NSUN3: variants seen among roughly 807,000 people sequenced by gnomAD.
The protein encoded by NSUN3 is NOP2/Sun RNA methyltransferase 3.
A neutral mutation model predicts 36.8 loss-of-function variants in NSUN3; 24 were observed. The observed-to-expected ratio is 0.65, with a 90% CI of 0.47 to 0.92. NSUN3 has a LOEUF of 0.92. NSUN3 is among the 40% of genes least tolerant of loss of function. The pLI is 0.00. For missense variants in NSUN3, 381 were observed against 392.8 expected (o/e 0.97, Z 0.25); for synonymous variants, 146 against 145.2 (o/e 1.01, Z -0.04).
chr3:94,112,925 C>T (rs1363909126), intron 5 of NSUN3, among the ~76,000 whole-genome samples: 1 of 152,000 alleles, frequency 6.6e-6, no homozygotes, highest in South Asian at 2.1e-4. Context: ...AGTGCAGTGG[C>T]ACAATCTCGG....
chr3:94,088,253 T>G (rs2077300807), intron 3 of NSUN3, among the ~76,000 whole-genome samples: 1 of 152,264 alleles, frequency 6.6e-6, no homozygotes, highest in Non-Finnish European at 1.5e-5. Flanking sequence ...TGCTAAGGAT[T>G]GTGTTAATCA....
chr3:94,098,443 A>C (rs2077352243), intron 5 of NSUN3, among the ~76,000 whole-genome samples: 1 of 152,144 alleles, frequency 6.6e-6, no homozygotes. Flanking sequence ...GAAATCCTAC[A>C]GTGGTTCCCC....
intron 4 of NSUN3, among the ~76,000 whole-genome samples, chr3:94,094,777 G>A (rs954050507): frequency 2.4e-4 from 37 of 152,104 alleles, no homozygotes; most frequent in African/African-American, 8.9e-4. Context: ...AGCATTAGTA[G>A]ACCTAGTAAA....
At chr3:94,074,910 T>A (rs1048052881) in intron 2 of NSUN3, among the ~76,000 whole-genome samples, 1 of 152,174 alleles carries the variant, frequency 6.6e-6, no homozygotes, top group Admixed American at 6.5e-5. Flanking sequence ...CTTCCAGTTT[T>A]TGCCCATTCA....
intron 5 of NSUN3, among the ~76,000 whole-genome samples, chr3:94,107,440 C>T (rs552896075): frequency 1.3e-5 from 2 of 151,698 alleles, no homozygotes; most frequent in East Asian, 2.0e-4. Context: ...GCATGTGCCA[C>T]CACACCTGGC....
chr3:94,114,523 G>A (rs1190655470), intron 5 of NSUN3, among the ~76,000 whole-genome samples: 3 of 152,186 alleles, frequency 2.0e-5, no homozygotes, highest in South Asian at 4.1e-4. Context: ...TAACATAGGA[G>A]TGAGCATCTT....
chr3:94,125,961 G>A (rs2107276548), intron 5 of NSUN3, among the ~76,000 whole-genome samples: 1 of 152,118 alleles, frequency 6.6e-6, no homozygotes, highest in Non-Finnish European at 1.5e-5. Context: ...TTGGGAGGCT[G>A]AGGCAGGAGA....
intron 5 of NSUN3, among the ~76,000 whole-genome samples, chr3:94,120,846 T>A (rs945060671): frequency 4.6e-5 from 7 of 152,192 alleles, no homozygotes; most frequent in Non-Finnish European, 7.3e-5. Context: ...TGAGGAGCCG[T>A]CATATTGTTT....
At position 94,067,406 on chromosome 3, in the gene NSUN3, C is replaced by T. The variant is rs7427419; in HGVS notation, c.122+2860C>T. Reference sequence around the variant, plus strand: ...TGATTATAACAGCTTTCAGTGAGTTCGGTTGTGTCCCAGTGAATAATCAAA... The same window carrying T: ...TGATTATAACAGCTTTCAGTGAGTTTGGTTGTGTCCCAGTGAATAATCAAA... On this transcript the variant is annotated intron_variant, in intron 2 of 5. Transcript: ENST00000314622. Among the ~76,000 whole-genome samples, 25 of 152,234 alleles carry T rather than the reference C, an allele frequency of 1.6e-4. No homozygotes were observed. In the East Asian group the frequency reaches 2.5e-3, roughly 15 times the overall value.
intron 5 of NSUN3, among the ~76,000 whole-genome samples, chr3:94,102,151 TC>T (rs2077368356): frequency 7.3e-6 from 1 of 136,724 alleles, no homozygotes; most frequent in Admixed American, 7.9e-5. Flanking sequence ...CAGATAACAA[TC>T]CTTAAAAAGT....
chr3:94,078,440 A>C (rs952773967), intron 2 of NSUN3, among the ~76,000 whole-genome samples: 6 of 152,192 alleles, frequency 3.9e-5, no homozygotes, highest in African/African-American at 1.4e-4. Flanking sequence ...AGTTCTGTAG[A>C]TGTCTATTAG....
At chr3:94,088,476 T>TA (rs2077301797) in intron 3 of NSUN3, among the ~76,000 whole-genome samples, 2 of 152,122 alleles carry the variant, frequency 1.3e-5, no homozygotes, top group Non-Finnish European at 2.9e-5. Context: ...TGGGTATTAT[T>TA]ATTCCCATTT....
rs371288229 is a variant in NSUN3 at position 94,130,291 on chromosome 3, T to A, written c.*3801T>A. ...CCTCTTGTAGATCCAGCTTTAACAT[T>A]TTTATGACATCCTAGTAATAGCAGA... is the stretch of plus-strand genomic sequence containing the variant. On this transcript the variant is annotated 3_prime_UTR_variant, in exon 6 of 6. Transcript: ENST00000314622. 5.3e-5 allele frequency among the ~76,000 whole-genome samples: 8 copies of A among 152,268 alleles called. No individual in the cohort carries two copies. The highest frequency in any genetic ancestry group is 3.9e-4 in the East Asian group (2 of 5,174).
chr3:94,088,527 A>G (rs549798107), intron 3 of NSUN3, among the ~76,000 whole-genome samples: 10 of 152,218 alleles, frequency 6.6e-5, no homozygotes, highest in Non-Finnish European at 1.3e-4. Context: ...CAAATTGCCT[A>G]AGGTAACTGG....
At chr3:94,069,768 A>C (rs970107621) in intron 2 of NSUN3, among the ~76,000 whole-genome samples, 1 of 152,198 alleles carries the variant, frequency 6.6e-6, no homozygotes, top group Non-Finnish European at 1.5e-5. Flanking sequence ...TTGAATCAGA[A>C]CTCCAATTTT....
chr3:94,099,293 G>C (rs754612643), intron 5 of NSUN3, among the ~76,000 whole-genome samples: 1 of 151,890 alleles, frequency 6.6e-6, no homozygotes, highest in Non-Finnish European at 1.5e-5. Context: ...AATCATCATT[G>C]CAAAAATCAT....
chr3:94,121,329 C>T (rs978318275), intron 5 of NSUN3, among the ~76,000 whole-genome samples: 1 of 152,196 alleles, frequency 6.6e-6, no homozygotes, highest in African/African-American at 2.4e-5. Context: ...CACATCTTCA[C>T]CAACTCTCTG....
rs1300590348 is a variant in NSUN3 at position 94,127,104 on chromosome 3, G to A, written c.*614G>A. On this transcript the variant is annotated 3_prime_UTR_variant, in exon 6 of 6. Coordinates refer to ENST00000314622, the MANE Select transcript of NSUN3 (RefSeq NM_022072.5). Reference sequence around the variant, plus strand: ...CAGCTTTATTTCCCCCACTTTTTTTGCATTCACAAATACAAATTGAAAGGG... The same window carrying A: ...CAGCTTTATTTCCCCCACTTTTTTTACATTCACAAATACAAATTGAAAGGG... 6.6e-6 allele frequency: 1 copy of A among 151,882 alleles called. No homozygotes were observed. The highest frequency in any genetic ancestry group is 1.5e-5 in the Non-Finnish European group (1 of 67,984). The allele number at this position is 151,882 out of a possible 1,614,324, so 9.4% of individuals were successfully genotyped here.
In NSUN3 at chr3:94,065,789, A is replaced by G. The variant is rs950956635; in HGVS notation, c.122+1243A>G. The stretch of plus-strand genomic sequence containing the variant: ...ACAGAGATGAAGAACTGAATAATAA[A>G]GTATGTAATAAATTTATGAGGTTTT... On this transcript the variant is annotated intron_variant, in intron 2 of 5. Transcript: ENST00000314622. Among the ~76,000 whole-genome samples the G allele has an allele frequency of 1.3e-4, 20 of 152,378 alleles. 1 individual carries two copies. The East Asian group carries it at 3.7e-3, about 28-fold the overall frequency.
Sources: allele counts gnomAD v4.1 joint callset (sites outside exome capture counted in the v4.1 genomes callset), GRCh38; gene constraint gnomAD v4.1.1; transcripts MANE v1.5; gene names NCBI Gene and HGNC (gene_info 2026-07-23, HGNC 2026-07-21).